The following USP34 variants were observed in gnomAD, a reference collection of about 807,000 sequenced individuals.
USP34 encodes ubiquitin carboxyl-terminal hydrolase 34.
In USP34, 70 loss-of-function variants were observed where a neutral mutation model predicts 460.3. The observed-to-expected ratio is 0.15, with a 90% CI of 0.13 to 0.19. USP34 has a LOEUF of 0.19. Ranked by LOEUF, USP34 falls within the 10% of genes least tolerant of loss-of-function variation. The pLI, the probability that USP34 is intolerant of heterozygous loss-of-function variation, is 1.00. For synonymous variants in USP34, 1,647 were observed against 1,405.3 expected, an observed-to-expected ratio of 1.17 and a Z score of -3.85; for missense variants, 3,985 against 4,236.2, an observed-to-expected ratio of 0.94 and a Z score of 1.65.
chr2:61,429,797 C>A (rs1010120223), intron 1 of USP34, among the ~76,000 whole-genome samples: 103 of 152,316 alleles, frequency 6.8e-4, no homozygotes, highest in African/African-American at 2.2e-3. Context: ...CACAGTGGCT[C>A]CTGCCTATAA....
chr2:61,305,166 A>T (rs1485965611), intron 27 of USP34, among the ~76,000 whole-genome samples: 1 of 152,140 alleles, frequency 6.6e-6, no homozygotes, highest in Admixed American at 6.5e-5. Context: ...TCTACTAAAA[A>T]TACAACAATT....
intron 42 of USP34, 73 bp from the exon 43 acceptor site, chr2:61,265,630 A>G: frequency 1.4e-6 from 2 of 1,452,776 alleles, no homozygotes; most frequent in East Asian, 2.4e-5. Flanking sequence ...GCTTACATTA[A>G]CAGCCTCTAC....
At chr2:61,245,371 T>C (rs2103867786) in intron 50 of USP34, 83 bp from the exon 51 acceptor site, 2 of 721,130 alleles carry the variant, frequency 2.8e-6, no homozygotes. Context: ...GAATAACCAA[T>C]GTTACAAGTG....
intron 2 of USP34, among the ~76,000 whole-genome samples, chr2:61,411,493 A>G (rs533604585): frequency 6.6e-6 from 1 of 152,300 alleles, no homozygotes; most frequent in Admixed American, 6.5e-5. Context: ...CCAGACTAAC[A>G]TATCTCAAAG....
intron 3 of USP34, among the ~76,000 whole-genome samples, chr2:61,400,219 C>A (rs1249225660): frequency 1.3e-5 from 2 of 151,838 alleles, no homozygotes; most frequent in Non-Finnish European, 2.9e-5. Flanking sequence ...ACGCCATTCT[C>A]CCGCCTCAGC....
At chr2:61,359,779 G>GTTTTTTT (rs35258583) in intron 10 of USP34, among the ~76,000 whole-genome samples, 3 of 86,854 alleles carry the variant, frequency 3.5e-5, no homozygotes, top group Non-Finnish European at 6.7e-5. Flanking sequence ...GCCCACAGTT[G>GTTTTTTT]TTTTTTTTTT....
chr2:61,343,825 A>G lies in USP34; in HGVS notation c.2490T>C (p.His830=). Residue 830 remains histidine (H), a synonymous_variant, in exon 16 of 80, where the codon CAT becomes CAC. Coordinates refer to ENST00000398571, the MANE Select transcript of USP34 (RefSeq NM_014709.4). ...LPNLASIYHE[H]LSQGPVVHKH... The stretch of plus-strand genomic sequence containing the variant: ...ACTGTAGAGTCTTACCTTGACTAAG[A>G]TGTTCATGGTAAATGGAAGCTAAAT... 1.2e-6 allele frequency: 2 copies of G among 1,613,762 alleles called. No homozygotes were observed. The highest frequency in any genetic ancestry group is 1.7e-6 in the Non-Finnish European group (2 of 1,179,700).
At chr2:61,215,808 G>A (rs1369217596) in intron 67 of USP34, among the ~76,000 whole-genome samples, 1 of 152,162 alleles carries the variant, frequency 6.6e-6, no homozygotes. Context: ...AACTTTATGT[G>A]GCAGGCATTG....
At chr2:61,283,836 A>G (rs1269749081) in intron 35 of USP34, among the ~76,000 whole-genome samples, 1 of 148,050 alleles carries the variant, frequency 6.8e-6, no homozygotes, top group Non-Finnish European at 1.5e-5. Flanking sequence ...TTTGTTTTAT[A>G]TTCTTTATCA....
intron 2 of USP34, among the ~76,000 whole-genome samples, chr2:61,407,875 G>A (rs942130073): frequency 1.3e-5 from 2 of 152,138 alleles, no homozygotes; most frequent in African/African-American, 4.8e-5. Context: ...AGCACTTTGG[G>A]AGGCCGAGGT....
intron 2 of USP34, chr2:61,416,770 A>C: frequency 2.6e-6 from 1 of 388,388 alleles, no homozygotes; most frequent in Non-Finnish European, 4.5e-6. Flanking sequence ...TAAAATGATG[A>C]TAATCTGGTA....
chr2:61,442,646 T>C (rs1252085560), intron 1 of USP34, among the ~76,000 whole-genome samples: 1 of 152,176 alleles, frequency 6.6e-6, no homozygotes, highest in African/African-American at 2.4e-5. Flanking sequence ...GGAACTCTTA[T>C]ACAGTGTTAG....
intron 41 of USP34, among the ~76,000 whole-genome samples, chr2:61,274,742 G>A (rs986734251): frequency 3.3e-5 from 5 of 152,170 alleles, no homozygotes; most frequent in Non-Finnish European, 7.3e-5. Context: ...TTAATCTCAG[G>A]TTGTAGGTAC....
intron 65 of USP34, among the ~76,000 whole-genome samples, chr2:61,222,255 T>C (rs1687608518): frequency 6.6e-6 from 1 of 152,210 alleles, no homozygotes; most frequent in Non-Finnish European, 1.5e-5. Flanking sequence ...AAAAATACTT[T>C]TATATAACAC....
At chr2:61,245,107 A>G in intron 51 of USP34, 103 bp downstream of exon 51, 4 of 728,310 alleles carry the variant, frequency 5.5e-6, no homozygotes, top group Non-Finnish European at 2.3e-6. Context: ...TGATTTAATC[A>G]TAGCAATTAA....
intron 15 of USP34, 64 bp downstream of exon 15, chr2:61,347,806 A>C (rs1021109824): frequency 3.8e-6 from 6 of 1,564,618 alleles, no homozygotes; most frequent in Non-Finnish European, 5.2e-6. Context: ...TGCAAATTGA[A>C]TATAGGATAT....
intron 1 of USP34, among the ~76,000 whole-genome samples, chr2:61,442,532 G>A (rs1374363044): frequency 6.6e-6 from 1 of 151,806 alleles, no homozygotes; most frequent in Non-Finnish European, 1.5e-5. Context: ...CTAACCATCA[G>A]GAAAATGCAA....
chr2:61,449,761 C>T (rs1333384069), intron 1 of USP34, among the ~76,000 whole-genome samples: 1 of 152,164 alleles, frequency 6.6e-6, no homozygotes, highest in Non-Finnish European at 1.5e-5. Flanking sequence ...ACTGAACAGC[C>T]TCATGCAAAA....
At chr2:61,430,214 C>CAA (rs1232126412) in intron 1 of USP34, among the ~76,000 whole-genome samples, 8 of 78,080 alleles carry the variant, frequency 1.0e-4, no homozygotes, top group African/African-American at 1.7e-4. Flanking sequence ...GTCTTCGTCA[C>CAA]AAAAAAAAAA....
Sources: allele counts gnomAD v4.1 joint callset (sites outside exome capture counted in the v4.1 genomes callset), GRCh38; gene constraint gnomAD v4.1.1; transcripts MANE v1.5; gene names NCBI Gene and HGNC (gene_info 2026-07-23, HGNC 2026-07-21).